Variants in MYO5B observed in about 807,000 individuals in gnomAD.
The protein encoded by MYO5B is myosin VB.
Under a neutral mutation model 229.3 loss-of-function variants are expected in MYO5B, and 143 were observed. The ratio of observed to expected loss-of-function variants is 0.62; its 90% CI spans 0.54 to 0.72. The LOEUF (loss-of-function observed/expected upper bound fraction) is 0.72. Ranked by LOEUF, MYO5B falls within the 30% of genes least tolerant of loss-of-function variation. MYO5B has a pLI of 0.00. For synonymous variants in MYO5B, 918 were observed against 885.2 expected (o/e 1.04, Z -0.66); for missense variants, 2,321 against 2,331.0 (o/e 1.00, Z 0.09).
At chr18:49,878,798 T>G in intron 24 of MYO5B, 147 bp downstream of exon 24, 3 of 970,924 alleles carry the variant, frequency 3.1e-6, no homozygotes, top group Non-Finnish European at 4.7e-6. Flanking sequence ...CAGCTACCTT[T>G]GCCTCTCTGC....
intron 23 of MYO5B, 114 bp downstream of exon 23, chr18:49,880,257 C>T: frequency 1.1e-6 from 1 of 899,460 alleles, no homozygotes; most frequent in Non-Finnish European, 1.9e-6. Context: ...TATTAAAATC[C>T]TTTCCCCACT....
intron 2 of MYO5B, 86 bp downstream of exon 2, chr18:50,055,182 C>T (rs977458376): frequency 1.1e-6 from 1 of 932,064 alleles, no homozygotes; most frequent in Non-Finnish European, 1.7e-6. Context: ...CTCCAGCCCA[C>T]AATGTACTAT....
In MYO5B at chr18:49,906,550, A is replaced by G. The variant is rs756389516; in HGVS notation, c.2283T>C (p.Ala761=). The G allele has an allele frequency of 6.2e-7, 1 of 1,614,180 alleles. No homozygotes were observed. Among genetic ancestry groups the G allele is most frequent in the South Asian group, 1.1e-5 (1 of 91,084 alleles). ...TGATGGTGGCTGTCCGGAACTTGTC[A>G]GCCCGCAGCTTCTCCAGGTAGGCCA... is the stretch of plus-strand genomic sequence containing the variant. ...GQVAYLEKLR[A]DKFRTATIMI... Residue 761 remains alanine, a synonymous_variant, in exon 19 of 40, where the codon GCT becomes GCC. Transcript: ENST00000285039.
intron 1 of MYO5B, among the ~76,000 whole-genome samples, chr18:50,143,607 G>A (rs556326512): frequency 6.6e-6 from 1 of 152,244 alleles, no homozygotes; most frequent in African/African-American, 2.4e-5. Context: ...GAATAAGGAA[G>A]AATAAAAAGT....
At chr18:50,168,920 G>A (rs2032890739) in intron 1 of MYO5B, among the ~76,000 whole-genome samples, 1 of 126,298 alleles carries the variant, frequency 7.9e-6, no homozygotes, top group Non-Finnish European at 1.7e-5. Flanking sequence ...CCAGAAATGT[G>A]TTTTCCATCA....
At chr18:49,834,044 G>A (rs993673315) in intron 39 of MYO5B, among the ~76,000 whole-genome samples, 10 of 152,110 alleles carry the variant, frequency 6.6e-5, no homozygotes, top group Non-Finnish European at 1.5e-4. Context: ...TCCCTACTTA[G>A]ATGCTGGGCT....
chr18:50,121,420 T>A (rs1790425), intron 1 of MYO5B, among the ~76,000 whole-genome samples: 93,802 of 152,134 alleles, frequency 0.62, 29,075 homozygotes, highest in Admixed American at 0.69. Context: ...TGTGTATGTC[T>A]TTCTAAACAA....
At chr18:49,920,840 A>G (rs2025065825) in intron 17 of MYO5B, among the ~76,000 whole-genome samples, 1 of 152,136 alleles carries the variant, frequency 6.6e-6, no homozygotes, top group African/African-American at 2.4e-5. Flanking sequence ...AGCTTCTGAG[A>G]CTGCTGAGTA....
chr18:50,084,673 G>A (rs1237123506), intron 1 of MYO5B, among the ~76,000 whole-genome samples: 1 of 152,160 alleles, frequency 6.6e-6, no homozygotes, highest in African/African-American at 2.4e-5. Flanking sequence ...ATGCTACAAG[G>A]CTACAGTAAC....
At chr18:49,858,273 C>G (rs2024286673) in intron 29 of MYO5B, among the ~76,000 whole-genome samples, 1 of 152,372 alleles carries the variant, frequency 6.6e-6, no homozygotes, top group African/African-American at 2.4e-5. Context: ...TTAGTGCCTG[C>G]ATTTTACTAC....
chr18:50,023,978 AAATAT>A (rs1215331847), intron 4 of MYO5B, among the ~76,000 whole-genome samples: 1 of 152,204 alleles, frequency 6.6e-6, no homozygotes, highest in South Asian at 2.1e-4. Context: ...CCATAAAATA[AAATAT>A]AAGGGGCTCT....
At chr18:49,849,836 G>A (rs2024177220) in intron 31 of MYO5B, 176 bp from the exon 32 acceptor site, 7 of 666,420 alleles carry the variant, frequency 1.1e-5, no homozygotes, top group African/African-American at 3.6e-5. Flanking sequence ...CACCTGCTCT[G>A]GAACTCAGGA....
chr18:50,005,108 T>C (rs9961643), intron 4 of MYO5B, among the ~76,000 whole-genome samples: 98,645 of 152,094 alleles, frequency 0.65, 32,632 homozygotes, highest in East Asian at 0.89. Context: ...CCAGATTAAA[T>C]TGCTAAAGCA....
At chr18:50,001,147 C>G (rs1598943204) in intron 5 of MYO5B, 108 bp downstream of exon 5, 2 of 1,381,890 alleles carry the variant, frequency 1.4e-6, no homozygotes, top group Non-Finnish European at 2.1e-6. Context: ...GGACAGAGGG[C>G]TCTCAGGGAG....
chr18:49,879,174 T>C, intron 23 of MYO5B, 84 bp from the exon 24 acceptor site: 1 of 1,566,634 alleles, frequency 6.4e-7, no homozygotes, highest in Non-Finnish European at 8.8e-7. Flanking sequence ...TAATCTCTTG[T>C]TAAGAGGCTG....
intron 1 of MYO5B, among the ~76,000 whole-genome samples, chr18:50,135,940 T>C (rs1304480163): frequency 6.6e-6 from 1 of 152,230 alleles, no homozygotes; most frequent in Non-Finnish European, 1.5e-5. Context: ...TTTTCATCCA[T>C]ACAAAAACTC....
At chr18:49,939,395 C>T (rs376374007) in intron 14 of MYO5B, among the ~76,000 whole-genome samples, 2 of 152,110 alleles carry the variant, frequency 1.3e-5, no homozygotes, top group South Asian at 2.1e-4. Context: ...CCGCCCGCCT[C>T]GGCCTTCCAA....
rs1415051191 is a variant in MYO5B at position 49,836,708 on chromosome 18, T to C, written c.5313+3A>G. The C allele has an allele frequency of 3.1e-6, 5 of 1,614,008 alleles. No individual in the cohort carries two copies. The highest frequency in any genetic ancestry group is 3.4e-6 in the Non-Finnish European group (4 of 1,179,904). On this transcript the variant is annotated splice_donor_region_variant and intron_variant, in intron 38 of 39. Coordinates refer to ENST00000285039, the MANE Select transcript of MYO5B (RefSeq NM_001080467.3). ...TGTTGACAGAGGTGCAAAGTGACTG[T>C]ACCTGCTGGGTGCTGAGGGAGGTAC...
intron 39 of MYO5B, among the ~76,000 whole-genome samples, chr18:49,832,453 T>C (rs72925925): frequency 1.9e-4 from 29 of 152,338 alleles, no homozygotes; most frequent in South Asian, 4.1e-4. Flanking sequence ...TGTGGGAGTA[T>C]TGCCAAAAAG....
Sources: gnomAD v4.1 joint callset for allele counts (sites outside exome capture counted in the v4.1 genomes callset) on GRCh38, gnomAD v4.1.1 for gene constraint, MANE v1.5 for transcripts, NCBI Gene and HGNC (gene_info 2026-07-23, HGNC 2026-07-21) for gene names.